MAP2K5: variants seen among roughly 807,000 people sequenced by gnomAD.
The protein encoded by MAP2K5 is dual specificity mitogen-activated protein kinase kinase 5.
In MAP2K5, 49 loss-of-function variants were observed where a neutral mutation model predicts 83.1. The ratio of observed to expected loss-of-function variants is 0.59; its 90% confidence interval spans 0.47 to 0.75. MAP2K5 has a LOEUF of 0.75. MAP2K5 is among the 30% of genes least tolerant of loss of function. The pLI, the probability that MAP2K5 is intolerant of heterozygous loss-of-function variation, is 0.00. For synonymous variants in MAP2K5, 202 were observed against 191.8 expected (o/e 1.05, Z -0.44); for missense variants, 457 against 557.5 (o/e 0.82, Z 1.82).
intron 20 of MAP2K5, among the ~76,000 whole-genome samples, chr15:67,771,352 T>G (rs117825623): frequency 1.3e-5 from 2 of 152,210 alleles, no homozygotes; most frequent in African/African-American, 4.8e-5. Context: ...GCTAATCTTA[T>G]CTCGCTGTGT....
At chr15:67,741,453 C>T (rs981475290) in intron 17 of MAP2K5, among the ~76,000 whole-genome samples, 2 of 152,306 alleles carry the variant, frequency 1.3e-5, no homozygotes, top group East Asian at 1.9e-4. Flanking sequence ...TGGAGCAACC[C>T]ACTTCCTGTC....
chr15:67,619,381 G>T (rs897344483), intron 8 of MAP2K5, among the ~76,000 whole-genome samples: 10 of 152,138 alleles, frequency 6.6e-5, no homozygotes, highest in African/African-American at 2.4e-4. Context: ...CTTCACAAGG[G>T]CAGGGACTTG....
At chr15:67,765,438 A>G (rs926435982) in intron 19 of MAP2K5, among the ~76,000 whole-genome samples, 4 of 152,202 alleles carry the variant, frequency 2.6e-5, no homozygotes, top group African/African-American at 7.2e-5. Flanking sequence ...CAAACCACTG[A>G]TCTTATTCAG....
At chr15:67,633,114 C>T (rs12905544) in intron 9 of MAP2K5, among the ~76,000 whole-genome samples, 5,958 of 152,284 alleles carry the variant, frequency 0.039, 193 homozygotes, top group Non-Finnish European at 0.063. Context: ...TCACCGAGCG[C>T]GGCCCAGTCG....
chr15:67,560,033 G>A (rs2084703123), intron 2 of MAP2K5, among the ~76,000 whole-genome samples: 1 of 152,208 alleles, frequency 6.6e-6, no homozygotes, highest in Non-Finnish European at 1.5e-5. Context: ...CAGCTTGATA[G>A]GCAGCTAGCC....
In MAP2K5 at chr15:67,676,080, A is replaced by G. The variant is rs2087675971; in HGVS notation, c.847+11435A>G. On this transcript the variant is annotated intron_variant, in intron 13 of 21. Transcript: ENST00000178640. This position sits in a 1 kb window ranked among gnomAD's most constrained non-coding sequence, Gnocchi z 4.8. ...TGGCTCACCAGTCTCTATAGTATCC[A>G]TTAGGGTAAGCTTCTATCCAACCAC... 6.6e-6 allele frequency among the ~76,000 whole-genome samples: 1 copy of G among 152,170 alleles called. No individual in the cohort carries two copies. Among genetic ancestry groups the G allele is most frequent in the African/African-American group, 2.4e-5 (1 of 41,438 alleles).
rs936152235 is a variant in MAP2K5 at position 67,785,612 on chromosome 15, A to G, written c.1242+12860A>G. Among the ~76,000 whole-genome samples, 2 of 152,182 alleles carry G rather than the reference A, an allele frequency of 1.3e-5. No homozygotes were observed. The highest frequency in any genetic ancestry group is 2.4e-5 in the African/African-American group (1 of 41,446). On this transcript the variant is annotated intron_variant, in intron 21 of 21. Coordinates refer to ENST00000178640, the MANE Select transcript of MAP2K5 (RefSeq NM_145160.3). The surrounding 1 kb of genome is among the most constrained non-coding windows in gnomAD (Gnocchi z 4.4). The stretch of plus-strand genomic sequence containing the variant: ...AAACAGCAAGGAGAAGACAACCCAC[A>G]GATGTCCACACCAACACAGGTGCTG...
At chr15:67,800,459 A>T (rs1429953126) in intron 21 of MAP2K5, among the ~76,000 whole-genome samples, 1 of 152,168 alleles carries the variant, frequency 6.6e-6, no homozygotes, top group Non-Finnish European at 1.5e-5. Flanking sequence ...ATTTCTGTAT[A>T]TTGTCTCAGC....
At chr15:67,620,132 A>T (rs1220855576) in intron 8 of MAP2K5, among the ~76,000 whole-genome samples, 1 of 152,218 alleles carries the variant, frequency 6.6e-6, no homozygotes, top group Non-Finnish European at 1.5e-5. Flanking sequence ...GCACTTTGGG[A>T]GGTTGAGGCG....
intron 21 of MAP2K5, among the ~76,000 whole-genome samples, chr15:67,798,655 G>A (rs2090648215): frequency 6.6e-6 from 1 of 152,176 alleles, no homozygotes; most frequent in African/African-American, 2.4e-5. Flanking sequence ...GACCCCCTTA[G>A]GTGCCTGCGT....
In MAP2K5 at chr15:67,546,076, C is replaced by G. The variant is rs557782225; in HGVS notation, c.135+2606C>G. 3 of 152,288 alleles carry G rather than the reference C, an allele frequency of 2.0e-5. No individual in the cohort carries two copies. The East Asian group carries it at 5.8e-4, about 29-fold the overall frequency. The allele number at this position is 152,288 out of a possible 1,614,324, so 9.4% of individuals were successfully genotyped here. The stretch of plus-strand genomic sequence containing the variant: ...AGCATGTTTTGTCAGAAAGGCCTGA[C>G]GAAGGACCTGTGGCAGTGGGTGTTC... On this transcript the variant is annotated intron_variant, in intron 1 of 21. Coordinates refer to ENST00000178640, the MANE Select transcript of MAP2K5 (RefSeq NM_145160.3).
chr15:67,577,393 A>G lies in MAP2K5; in HGVS notation c.253-3361A>G, dbSNP rs1198048301. ...AGTAAATGTTTATTAAACACCTACT[A>G]TGTGCAGAGCTTTGTGTTAGGGCTA... On this transcript the variant is annotated intron_variant, in intron 3 of 21. Transcript: ENST00000178640. This position sits in a 1 kb window ranked among gnomAD's most constrained non-coding sequence, Gnocchi z 4.1. Among the ~76,000 whole-genome samples the G allele has an allele frequency of 6.6e-6, 1 of 152,232 alleles. No individual in the cohort carries two copies. Among genetic ancestry groups the G allele is most frequent in the Non-Finnish European group, 1.5e-5 (1 of 68,026 alleles).
rs147676655 is a variant in MAP2K5 at position 67,627,095 on chromosome 15, C to T, written c.546-3793C>T. ...GGGGGACTATAGAGGACTACAGGCA[C>T]GCACCACGATGCCAGGTAATTATTT... On this transcript the variant is annotated intron_variant, in intron 8 of 21. Coordinates refer to ENST00000178640, the MANE Select transcript of MAP2K5 (RefSeq NM_145160.3). 4.2e-4 allele frequency among the ~76,000 whole-genome samples: 64 copies of T among 152,090 alleles called. 2 individuals are homozygous for T. In the East Asian group the frequency reaches 0.01, roughly 25 times the overall value.
intron 19 of MAP2K5, among the ~76,000 whole-genome samples, chr15:67,752,486 T>C (rs1248588566): frequency 2.0e-5 from 3 of 151,490 alleles, no homozygotes; most frequent in African/African-American, 7.3e-5. Context: ...GAGGCCAGCC[T>C]AACCAACATG....
chr15:67,703,470 A>G, intron 16 of MAP2K5, 62 bp downstream of exon 16: 1 of 1,352,884 alleles, frequency 7.4e-7, no homozygotes, highest in Non-Finnish European at 1.0e-6. Flanking sequence ...AATCAGGAAA[A>G]GTGAAGATTT....
chr15:67,754,639 G>C (rs1305369977), intron 19 of MAP2K5, among the ~76,000 whole-genome samples: 3 of 152,204 alleles, frequency 2.0e-5, no homozygotes, highest in African/African-American at 7.2e-5. Flanking sequence ...AACCATCAGA[G>C]AGGAGATGAT....
At position 67,628,221 on chromosome 15, in the gene MAP2K5, C is replaced by T. The variant is rs1325238993; in HGVS notation, c.546-2667C>T. 3.5e-5 allele frequency: 24 copies of T among 695,300 alleles called. No homozygotes were observed. The East Asian group carries it at 4.7e-4, about 13-fold the overall frequency. 43.1% of individuals were successfully genotyped at this position (695,300 alleles called of 1,614,324 possible). On this transcript the variant is annotated intron_variant, in intron 8 of 21. Coordinates refer to ENST00000178640, the MANE Select transcript of MAP2K5 (RefSeq NM_145160.3). ...TGAAGGCTGGGTGCAGTGGCCCATGCCTGTAATCCCAACACTTTGGGAGGC... is the reference window on the plus strand; with the variant it reads ...TGAAGGCTGGGTGCAGTGGCCCATGTCTGTAATCCCAACACTTTGGGAGGC...
In MAP2K5 at chr15:67,736,683, C is replaced by A. The variant is rs1347204462; in HGVS notation, c.1074+8738C>A. ...AATCTCGTCATTTTTAGTTCAGTTACTGGGGACCATGATTCCCTTACAATT... is the reference window on the plus strand; with the variant it reads ...AATCTCGTCATTTTTAGTTCAGTTAATGGGGACCATGATTCCCTTACAATT... On this transcript the variant is annotated intron_variant, in intron 17 of 21. Coordinates refer to ENST00000178640, the MANE Select transcript of MAP2K5 (RefSeq NM_145160.3). This position sits in a 1 kb window ranked among gnomAD's most constrained non-coding sequence, Gnocchi z 4.3. Among the ~76,000 whole-genome samples, 1 of 152,166 alleles carries A rather than the reference C, an allele frequency of 6.6e-6. No homozygotes were observed.
At chr15:67,723,902 A>T (rs2089028425) in intron 16 of MAP2K5, among the ~76,000 whole-genome samples, 1 of 152,082 alleles carries the variant, frequency 6.6e-6, no homozygotes, top group Non-Finnish European at 1.5e-5. Flanking sequence ...TAACCTATTT[A>T]TAAATCTAAA....
Sources: allele counts gnomAD v4.1 joint callset (sites outside exome capture counted in the v4.1 genomes callset), GRCh38; gene constraint gnomAD v4.1.1; non-coding constraint Gnocchi (gnomAD v3.1); transcripts MANE v1.5; gene names NCBI Gene and HGNC (gene_info 2026-07-23, HGNC 2026-07-21).